The following AUTS2 variants were observed in gnomAD, a reference collection of about 807,000 sequenced individuals.
AUTS2 encodes activator of transcription and developmental regulator AUTS2, also known as autism susceptibility gene 2 protein.
Under a neutral mutation model 112.4 loss-of-function variants are expected in AUTS2, and 17 were observed. That is an observed-to-expected ratio of 0.15 (90% CI 0.10 to 0.23). AUTS2 has a LOEUF of 0.23. Among genes scored for constraint, AUTS2 ranks in the 10% least tolerant of loss-of-function variants. AUTS2 has a pLI of 1.00. For synonymous variants in AUTS2, 751 were observed against 702.7 expected (o/e 1.07, Z -1.09); for missense variants, 1,510 against 1,701.6 (o/e 0.89, Z 1.98).
intron 4 of AUTS2, among the ~76,000 whole-genome samples, chr7:70,229,814 AT>A (rs1477992344): frequency 2.6e-5 from 4 of 151,924 alleles, no homozygotes; most frequent in African/African-American, 9.7e-5. Flanking sequence ...AAATGCACTG[AT>A]TCTTTCTTCT....
At chr7:70,005,703 G>T (rs1799516665) in intron 2 of AUTS2, among the ~76,000 whole-genome samples, 1 of 152,098 alleles carries the variant, frequency 6.6e-6, no homozygotes, top group African/African-American at 2.4e-5. Flanking sequence ...CTTGGGCCTG[G>T]TCACCAGCTG....
At chr7:70,499,894 G>A (rs969029878) in intron 5 of AUTS2, among the ~76,000 whole-genome samples, 5 of 152,156 alleles carry the variant, frequency 3.3e-5, no homozygotes, top group Non-Finnish European at 7.3e-5. Flanking sequence ...ATTTCAGAGT[G>A]GAATCCAGTC....
At chr7:70,726,943 A>T (rs1787070219) in intron 6 of AUTS2, among the ~76,000 whole-genome samples, 1 of 152,196 alleles carries the variant, frequency 6.6e-6, no homozygotes. Context: ...GTCTTTGATC[A>T]GGTAAATTCT....
At chr7:70,577,819 A>T (rs199712966) in intron 5 of AUTS2, among the ~76,000 whole-genome samples, 106 of 103,462 alleles carry the variant, frequency 1.0e-3, no homozygotes, top group African/African-American at 4.5e-3. Context: ...TTTTTTTTTA[A>T]TTTTTTTCTT....
intron 6 of AUTS2, among the ~76,000 whole-genome samples, chr7:70,747,929 G>C (rs6957707): frequency 0.63 from 94,819 of 150,704 alleles, 31,667 homozygotes; most frequent in East Asian, 0.99. Flanking sequence ...TCACGCCATT[G>C]TCCTGCCTCA....
intron 3 of AUTS2, among the ~76,000 whole-genome samples, chr7:70,133,165 G>T (rs922175257): frequency 3.9e-5 from 6 of 152,182 alleles, no homozygotes; most frequent in Non-Finnish European, 2.9e-5. Flanking sequence ...GAAACGCTGA[G>T]ATGAGGAAAG....
At chr7:69,721,422 TCACCTC>T (rs1213256233) in intron 1 of AUTS2, among the ~76,000 whole-genome samples, 1 of 152,240 alleles carries the variant, frequency 6.6e-6, no homozygotes, top group Non-Finnish European at 1.5e-5. Flanking sequence ...GCACTCATTA[TCACCTC>T]ACACATGGTT....
Position 70,564,302 on chromosome 7 carries a change from T to C in AUTS2, c.690+128521T>C, listed in dbSNP as rs1284641497. On this transcript the variant is annotated intron_variant, in intron 5 of 18. Transcript: ENST00000342771. ...CTCAATCTTCTCCATGCTCAGTGTC[T>C]GAAGGGTCACCAACAGATTGTACAT... Among the ~76,000 whole-genome samples, 4 of 152,250 alleles carry C rather than the reference T, an allele frequency of 2.6e-5. No homozygotes were observed. The East Asian group carries it at 7.7e-4, about 29-fold the overall frequency.
At chr7:70,639,134 A>G (rs1232871663) in intron 5 of AUTS2, among the ~76,000 whole-genome samples, 1 of 152,178 alleles carries the variant, frequency 6.6e-6, no homozygotes, top group Non-Finnish European at 1.5e-5. Context: ...ATAATGTTTT[A>G]TGCATCTCCC....
intron 5 of AUTS2, among the ~76,000 whole-genome samples, chr7:70,624,654 C>G (rs1264525072): frequency 6.6e-6 from 1 of 152,130 alleles, no homozygotes; most frequent in Admixed American, 6.5e-5. Context: ...TCCTGAGTAT[C>G]TAGCACACTG....
At chr7:70,330,802 G>A (rs925883785) in intron 4 of AUTS2, among the ~76,000 whole-genome samples, 5 of 152,128 alleles carry the variant, frequency 3.3e-5, no homozygotes, top group African/African-American at 9.7e-5. Context: ...ATTTCTTTTA[G>A]TAATGTTTAT....
At chr7:69,627,854 A>T (rs1794032297) in intron 1 of AUTS2, among the ~76,000 whole-genome samples, 1 of 152,238 alleles carries the variant, frequency 6.6e-6, no homozygotes, top group African/African-American at 2.4e-5. Flanking sequence ...AGGTTTGAGG[A>T]TTAAATGAGT....
At chr7:70,114,797 G>A (rs561157033) in intron 2 of AUTS2, among the ~76,000 whole-genome samples, 5 of 150,836 alleles carry the variant, frequency 3.3e-5, no homozygotes, top group East Asian at 3.9e-4. Flanking sequence ...GCAAAACTCC[G>A]TCTCAGAAAA....
intron 2 of AUTS2, among the ~76,000 whole-genome samples, chr7:69,964,115 C>T (rs945932923): frequency 6.6e-6 from 1 of 152,124 alleles, no homozygotes; most frequent in African/African-American, 2.4e-5. Flanking sequence ...TCCTACTGTT[C>T]CACTATCCTA....
intron 4 of AUTS2, among the ~76,000 whole-genome samples, chr7:70,434,580 A>G (rs1489589135): frequency 1.3e-5 from 2 of 152,076 alleles, no homozygotes; most frequent in Non-Finnish European, 2.9e-5. Context: ...TTCCTAAACC[A>G]TGGCACCACC....
chr7:69,969,377 A>C (rs1304969368), intron 2 of AUTS2, among the ~76,000 whole-genome samples: 2 of 152,210 alleles, frequency 1.3e-5, no homozygotes, highest in African/African-American at 2.4e-5. Flanking sequence ...GCACAAGTGT[A>C]ATGTAAAGCT....
At chr7:70,458,678 C>A (rs1305658230) in intron 5 of AUTS2, among the ~76,000 whole-genome samples, 1 of 152,080 alleles carries the variant, frequency 6.6e-6, no homozygotes, top group Non-Finnish European at 1.5e-5. Flanking sequence ...TGTTTCCAGG[C>A]AATTGGTGGG....
chr7:70,440,276 C>T (rs1377914560), intron 5 of AUTS2, among the ~76,000 whole-genome samples: 1 of 149,862 alleles, frequency 6.7e-6, no homozygotes, highest in Non-Finnish European at 1.5e-5. Context: ...GGCATGGTGG[C>T]ATGTGCCTAT....
intron 1 of AUTS2, among the ~76,000 whole-genome samples, chr7:69,666,245 T>C (rs1278865844): frequency 6.6e-6 from 1 of 152,224 alleles, no homozygotes; most frequent in Non-Finnish European, 1.5e-5. Context: ...GTCTGTCTTC[T>C]GACCAACATG....
Sources: gnomAD v4.1 joint callset for allele counts (sites outside exome capture counted in the v4.1 genomes callset) on GRCh38, gnomAD v4.1.1 for gene constraint, MANE v1.5 for transcripts, NCBI Gene and HGNC (gene_info 2026-07-23, HGNC 2026-07-21) for gene names.